MCOLN2: variants seen among roughly 807,000 people sequenced by gnomAD.
MCOLN2 encodes mucolipin TRP cation channel 2.
A neutral mutation model predicts 67.5 loss-of-function variants in MCOLN2; 57 were observed. That is an observed-to-expected ratio of 0.84 (90% confidence interval 0.68 to 1.05). The LOEUF is 1.05. Ranked by LOEUF, MCOLN2 falls within the 50% of genes least tolerant of loss-of-function variation. The probability of loss-of-function intolerance (pLI) is 0.00; values close to 1 mark genes in which losing one functional copy is unlikely to be tolerated. For synonymous variants in MCOLN2, 246 were observed against 233.3 expected (o/e 1.05, Z -0.50); for missense variants, 620 against 678.8 (o/e 0.91, Z 0.96).
chr1:84,965,827 T>A, intron 1 of MCOLN2, 119 bp from the exon 2 acceptor site: 1 of 788,254 alleles, frequency 1.3e-6, no homozygotes, highest in Non-Finnish European at 1.9e-6. Context: ...CTGAAAAGCC[T>A]CTTTATGAAC....
chr1:84,977,770 T>C (rs1650066444), intron 1 of MCOLN2, among the ~76,000 whole-genome samples: 2 of 152,098 alleles, frequency 1.3e-5, no homozygotes, highest in South Asian at 2.1e-4. Flanking sequence ...ATAAGAGAGA[T>C]AGGCCCCAAT....
chr1:84,994,090 A>G (rs944116262), intron 1 of MCOLN2, among the ~76,000 whole-genome samples: 1 of 152,226 alleles, frequency 6.6e-6, no homozygotes, highest in Admixed American at 6.5e-5. Flanking sequence ...ATTTTGAAAG[A>G]AATCTTTTTT....
chr1:84,986,319 T>G (rs1342539932), intron 1 of MCOLN2, among the ~76,000 whole-genome samples: 1 of 152,126 alleles, frequency 6.6e-6, no homozygotes, highest in Non-Finnish European at 1.5e-5. Context: ...GGTGGGCAGA[T>G]CACCTGAGGT....
intron 1 of MCOLN2, among the ~76,000 whole-genome samples, chr1:84,974,169 A>C (rs960074783): frequency 6.6e-6 from 1 of 152,176 alleles, no homozygotes; most frequent in South Asian, 2.1e-4. Flanking sequence ...TCACCACTGC[A>C]GGCTAAAGTG....
intron 1 of MCOLN2, among the ~76,000 whole-genome samples, chr1:84,978,380 G>T (rs1650095586): frequency 6.7e-6 from 1 of 150,280 alleles, no homozygotes; most frequent in Non-Finnish European, 1.5e-5. Context: ...CATAAATAAA[G>T]ATCAGAGCAG....
intron 4 of MCOLN2, among the ~76,000 whole-genome samples, chr1:84,953,316 C>T (rs1302474449): frequency 1.3e-5 from 2 of 152,036 alleles, no homozygotes; most frequent in African/African-American, 4.8e-5. Context: ...CTTTAGGAGG[C>T]CAAGGTGGGC....
At position 84,947,114 on chromosome 1, in the gene MCOLN2, C is replaced by A. The variant is rs1648155581; in HGVS notation, c.766G>T (p.Ala256Ser). The A allele has an allele frequency of 1.1e-5, 17 of 1,577,388 alleles. No individual in the cohort carries two copies. Among genetic ancestry groups the A allele is most frequent in the Non-Finnish European group, 1.4e-5 (16 of 1,147,726 alleles). Residue 256 changes from alanine (A) to serine (S), a missense_variant, in exon 7 of 14, where the codon GCT becomes TCT. By Grantham distance (99) the Ala-to-Ser change is moderately conservative. Transcript: ENST00000370608. ...FQNTIIFDNKAHSGKIKIYFD... is the reference protein window; with the variant it reads ...FQNTIIFDNKSHSGKIKIYFD... Reference sequence around the variant, plus strand: ...TAGATTTTGATTTTGCCACTGTGAGCTTTATTGTCAAAGATAATCTGGAGA... The same window carrying A: ...TAGATTTTGATTTTGCCACTGTGAGATTTATTGTCAAAGATAATCTGGAGA...
intron 6 of MCOLN2, among the ~76,000 whole-genome samples, chr1:84,947,538 C>T (rs1035758920): frequency 2.0e-5 from 3 of 152,166 alleles, no homozygotes; most frequent in Non-Finnish European, 4.4e-5. Context: ...GATAGGAAAA[C>T]GTTAGGCTAG....
chr1:84,943,480 G>A (rs757181127), intron 7 of MCOLN2, among the ~76,000 whole-genome samples: 52 of 152,060 alleles, frequency 3.4e-4, no homozygotes, highest in Non-Finnish European at 7.4e-4. Flanking sequence ...AAAGGCCAGA[G>A]GAGAAGCAAA....
chr1:84,972,971 G>C (rs1331033710), intron 1 of MCOLN2, among the ~76,000 whole-genome samples: 1 of 152,138 alleles, frequency 6.6e-6, no homozygotes, highest in African/African-American at 2.4e-5. Context: ...ACTTGACAAG[G>C]GGCCTGAAAG....
At chr1:84,986,488 A>G (rs555341336) in intron 1 of MCOLN2, among the ~76,000 whole-genome samples, 13 of 150,086 alleles carry the variant, frequency 8.7e-5, no homozygotes, top group South Asian at 6.5e-4. Context: ...GGTTGCAAAG[A>G]GCCAAGATAG....
chr1:84,996,997 C>A lies in MCOLN2; in HGVS notation c.-125G>T. 1.2e-6 allele frequency: 1 copy of A among 809,626 alleles called. No homozygotes were observed. The highest frequency in any genetic ancestry group is 2.0e-6 in the Non-Finnish European group (1 of 495,074). 50.2% of individuals were successfully genotyped at this position (809,626 alleles called of 1,614,324 possible). On this transcript the variant is annotated 5_prime_UTR_variant, in exon 1 of 14. Coordinates refer to ENST00000370608, the MANE Select transcript of MCOLN2 (RefSeq NM_153259.4). ...GTTGGAGCCCTGCAAAGCGGGGTTC[C>A]CTTCTCTTACCCTTTCTGCCGGCCG...
At chr1:84,957,275 C>G (rs1306240233) in intron 3 of MCOLN2, among the ~76,000 whole-genome samples, 2 of 152,152 alleles carry the variant, frequency 1.3e-5, no homozygotes, top group Non-Finnish European at 2.9e-5. Context: ...CATCCACACT[C>G]CACAGCTTAC....
At chr1:84,974,761 T>C (rs142689827) in intron 1 of MCOLN2, among the ~76,000 whole-genome samples, 6 of 152,014 alleles carry the variant, frequency 3.9e-5, no homozygotes, top group African/African-American at 1.4e-4. Context: ...GAGCTGACTC[T>C]TGGATGGCAT....
In MCOLN2 at chr1:84,939,778, T is replaced by G. The variant is rs1037160150; in HGVS notation, c.961-76A>C. 4 of 1,473,712 alleles carry G rather than the reference T, an allele frequency of 2.7e-6. No homozygotes were observed. The African/African-American group carries it at 5.7e-5, about 21-fold the overall frequency. 91.3% of individuals were successfully genotyped at this position (1,473,712 alleles called of 1,614,324 possible). A position where few individuals can be genotyped will look rare whatever the true frequency, so the allele number is the denominator to read the frequency against. On this transcript the variant is annotated intron_variant, in intron 8 of 13. Transcript: ENST00000370608. The stretch of plus-strand genomic sequence containing the variant: ...GAAGAAGAAGGCAAGTGCAAAACAG[T>G]GCTCTCACCTGTAAAAGGACATGGC...
At chr1:84,993,092 C>A (rs556584602) in intron 1 of MCOLN2, among the ~76,000 whole-genome samples, 2 of 152,322 alleles carry the variant, frequency 1.3e-5, no homozygotes, top group South Asian at 4.1e-4. Context: ...ACTATGTTTA[C>A]GGAATATGCT....
rs1014635934 is a variant in MCOLN2 at position 84,926,367 on chromosome 1, T to A, written c.*318A>T. 1.2e-4 allele frequency: 30 copies of A among 241,224 alleles called. No homozygotes were observed. The highest frequency in any genetic ancestry group is 6.7e-4 in the African/African-American group (30 of 44,758). 14.9% of individuals were successfully genotyped at this position (241,224 alleles called of 1,614,324 possible). ...TATTTAATTACATGGTTAAAGACTATTATTTCGCACACTCTGAAATGATCT... is the reference window on the plus strand; with the variant it reads ...TATTTAATTACATGGTTAAAGACTAATATTTCGCACACTCTGAAATGATCT... On this transcript the variant is annotated 3_prime_UTR_variant, in exon 14 of 14. Coordinates refer to ENST00000370608, the MANE Select transcript of MCOLN2 (RefSeq NM_153259.4).
intron 12 of MCOLN2, among the ~76,000 whole-genome samples, chr1:84,930,708 TG>T (rs895394321): frequency 7.2e-5 from 11 of 152,176 alleles, no homozygotes; most frequent in Non-Finnish European, 1.3e-4. Context: ...AAAACAGCCC[TG>T]ACAAAGGCAC....
chr1:84,991,338 A>G lies in MCOLN2; in HGVS notation c.77+5458T>C, dbSNP rs553834245. On this transcript the variant is annotated intron_variant, in intron 1 of 13. Coordinates refer to ENST00000370608, the MANE Select transcript of MCOLN2 (RefSeq NM_153259.4). Reference sequence around the variant, plus strand: ...CAGTTCAACAGATAAAATGCTTTAGACCATTCCTAACAACTCGCACGTCAT... The same window carrying G: ...CAGTTCAACAGATAAAATGCTTTAGGCCATTCCTAACAACTCGCACGTCAT... 6.6e-5 allele frequency among the ~76,000 whole-genome samples: 10 copies of G among 152,278 alleles called. No individual in the cohort carries two copies. The South Asian group carries it at 1.7e-3, about 25-fold the overall frequency.
Sources: gnomAD v4.1 joint callset for allele counts (sites outside exome capture counted in the v4.1 genomes callset) on GRCh38, gnomAD v4.1.1 for gene constraint, MANE v1.5 for transcripts, NCBI Gene and HGNC (gene_info 2026-07-23, HGNC 2026-07-21) for gene names.